The following GYPE variants were observed in gnomAD, a reference collection of about 807,000 sequenced individuals.
The protein encoded by GYPE is glycophorin E (MNS blood group).
In GYPE, 8 loss-of-function variants were observed where a neutral mutation model predicts 11.6. The ratio of observed to expected loss-of-function variants is 0.69; its 90% CI spans 0.41 to 1.25. The LOEUF (loss-of-function observed/expected upper bound fraction) is 1.25. GYPE is among the 50% of genes most tolerant of loss of function. GYPE has a pLI of 0.01. For synonymous variants in GYPE, 28 were observed against 29.6 expected (o/e 0.94, Z 0.18); for missense variants, 90 against 92.8 (o/e 0.97, Z 0.12).
At chr4:143,902,496 C>G (rs889322390) in intron 1 of GYPE, among the ~76,000 whole-genome samples, 14 of 152,066 alleles carry the variant, frequency 9.2e-5, no homozygotes, top group Middle Eastern at 3.4e-3. Context: ...ACAAATATTT[C>G]CTCTTTCCTT....
intron 1 of GYPE, among the ~76,000 whole-genome samples, chr4:143,896,109 T>C (rs1437312155): frequency 6.6e-6 from 1 of 152,192 alleles, no homozygotes; most frequent in Non-Finnish European, 1.5e-5. Context: ...AAGGACTTCA[T>C]GTCTAAAACA....
At chr4:143,881,283 T>C (rs867719436) in intron 1 of GYPE, among the ~76,000 whole-genome samples, 25 of 152,150 alleles carry the variant, frequency 1.6e-4, no homozygotes, top group Middle Eastern at 3.4e-3. Flanking sequence ...TGTGAATTAT[T>C]TCTGTAATTA....
chr4:143,893,585 T>G (rs1411473160), intron 1 of GYPE, among the ~76,000 whole-genome samples: 3 of 152,160 alleles, frequency 2.0e-5, no homozygotes, highest in South Asian at 2.1e-4. Flanking sequence ...AGTTTGGCTG[T>G]ATATGAAATT....
intron 3 of GYPE, 74 bp downstream of exon 3, chr4:143,876,672 G>T: frequency 1.3e-6 from 1 of 748,828 alleles, no homozygotes; most frequent in Non-Finnish European, 2.4e-6. Flanking sequence ...GAGTTTAACT[G>T]AACTCAGAGG....
intron 1 of GYPE, among the ~76,000 whole-genome samples, chr4:143,904,489 G>T (rs1256779600): frequency 4.6e-5 from 7 of 152,144 alleles, no homozygotes; most frequent in Non-Finnish European, 8.8e-5. Context: ...ACCCAGTTCT[G>T]TGTGTTCCTC....
At chr4:143,903,250 C>T (rs1370412603) in intron 1 of GYPE, among the ~76,000 whole-genome samples, 5 of 151,458 alleles carry the variant, frequency 3.3e-5, no homozygotes, top group Non-Finnish European at 7.4e-5. Flanking sequence ...TTATTATCTG[C>T]GTTCCCTCCC....
At position 143,897,727 on chromosome 4, in the gene GYPE, T is replaced by C. The variant is rs1044582290; in HGVS notation, c.37+7744A>G. ...AAATACCTGAAATGCACTCACGGCC[T>C]GCACAAGCCATTGACCAGTGGCTCA... On this transcript the variant is annotated intron_variant, in intron 1 of 3. Coordinates refer to ENST00000358615, the MANE Select transcript of GYPE (RefSeq NM_198682.3). Among the ~76,000 whole-genome samples the C allele has an allele frequency of 4.6e-5, 7 of 152,106 alleles. No homozygotes were observed. The South Asian group carries it at 6.2e-4, about 14-fold the overall frequency.
intron 1 of GYPE, among the ~76,000 whole-genome samples, chr4:143,894,176 C>T (rs1250065565): frequency 6.6e-6 from 1 of 151,724 alleles, no homozygotes; most frequent in Admixed American, 6.6e-5. Context: ...CCTTTAAGCA[C>T]TTCTCTGTAT....
chr4:143,880,339 G>T (rs988527496), intron 2 of GYPE, 72 bp downstream of exon 2: 2 of 1,610,130 alleles, frequency 1.2e-6, no homozygotes, highest in Non-Finnish European at 1.7e-6. Context: ...GCAGTGACAG[G>T]TCCCCTAAAA....
rs71590409 is a variant in GYPE, at chr4:143,872,884, GAA to G, written c.*10-634_*10-633del. On this transcript the variant is annotated intron_variant, in intron 3 of 3. Transcript: ENST00000358615. ...TGACAGGAGAGAGTGGGAGAGGGTT[GAA>G]GGGGGCAGGCCAGGTGAGCTGAGCA... Among the ~76,000 whole-genome samples the G allele has an allele frequency of 1.0e-3, 155 of 151,492 alleles. 3 individuals carry two copies. The highest frequency in any genetic ancestry group is 4.5e-3 in the East Asian group (23 of 5,136).
chr4:143,884,091 G>GCCCTT (rs1744158757), intron 1 of GYPE, among the ~76,000 whole-genome samples: 1 of 151,158 alleles, frequency 6.6e-6, no homozygotes, highest in Non-Finnish European at 1.5e-5. Context: ...TCATTGCTTC[G>GCCCTT]CCCTTCCCTT....
chr4:143,879,776 C>G (rs547120296), intron 2 of GYPE, among the ~76,000 whole-genome samples: 1 of 152,252 alleles, frequency 6.6e-6, no homozygotes, highest in East Asian at 1.9e-4. Flanking sequence ...TCATGAAAGA[C>G]AAATCTCCCA....
intron 3 of GYPE, chr4:143,875,298 A>G: frequency 1.6e-6 from 1 of 640,572 alleles, no homozygotes; most frequent in Admixed American, 2.9e-5. Flanking sequence ...ACAAATCATG[A>G]CTATACTACA....
intron 2 of GYPE, chr4:143,878,693 TC>T (rs756898067): frequency 2.0e-6 from 1 of 492,090 alleles, no homozygotes; most frequent in Non-Finnish European, 4.2e-6. Flanking sequence ...AAGCGAAATT[TC>T]AATGTAAGTC....
intron 1 of GYPE, among the ~76,000 whole-genome samples, chr4:143,900,653 A>T (rs13122618): frequency 1.3e-5 from 2 of 151,556 alleles, no homozygotes; most frequent in Admixed American, 1.3e-4. Context: ...CATTTATTAT[A>T]AAAGGAATGA....
intron 1 of GYPE, among the ~76,000 whole-genome samples, chr4:143,898,501 A>G (rs1744747375): frequency 6.6e-6 from 1 of 152,246 alleles, no homozygotes. Flanking sequence ...ATTAAGCAAT[A>G]TATTTCACAA....
intron 1 of GYPE, among the ~76,000 whole-genome samples, chr4:143,904,304 A>C (rs142710869): frequency 0.018 from 2,746 of 152,246 alleles, 104 homozygotes; most frequent in South Asian, 0.095. Flanking sequence ...TTAACATTTT[A>C]CTTTGTTTCA....
intron 3 of GYPE, among the ~76,000 whole-genome samples, chr4:143,872,656 G>A (rs150391106): frequency 1.9e-4 from 29 of 152,154 alleles, no homozygotes; most frequent in African/African-American, 5.8e-4. Context: ...ATTATTCTGC[G>A]CTCTGAGGAT....
At chr4:143,874,122 A>G (rs1230926855) in intron 3 of GYPE, among the ~76,000 whole-genome samples, 1 of 152,144 alleles carries the variant, frequency 6.6e-6, no homozygotes, top group Non-Finnish European at 1.5e-5. Context: ...GTATATATGT[A>G]TTTAGTTTTG....
Sources: gnomAD v4.1 joint callset for allele counts (sites outside exome capture counted in the v4.1 genomes callset) on GRCh38, gnomAD v4.1.1 for gene constraint, MANE v1.5 for transcripts, NCBI Gene and HGNC (gene_info 2026-07-23, HGNC 2026-07-21) for gene names.